Variants in GGNBP2 observed in about 807,000 individuals in gnomAD.
The protein encoded by GGNBP2 is gametogenetin-binding protein 2.
A neutral mutation model predicts 85.9 loss-of-function variants in GGNBP2; 10 were observed. That is an observed-to-expected ratio of 0.12 (90% confidence interval 0.07 to 0.20). The LOEUF (loss-of-function observed/expected upper bound fraction) is 0.20. Among genes scored for constraint, GGNBP2 ranks in the 10% least tolerant of loss-of-function variants. The pLI, the probability that GGNBP2 is intolerant of heterozygous loss-of-function variation, is 1.00. For synonymous variants in GGNBP2, 287 were observed against 285.7 expected, an observed-to-expected ratio of 1.00 and a Z score of -0.05; for missense variants, 595 against 857.8, an observed-to-expected ratio of 0.69 and a Z score of 3.83.
chr17:36,546,021 A>G (rs945730708), intron 2 of GGNBP2: 31 of 533,190 alleles, frequency 5.8e-5, no homozygotes, highest in African/African-American at 1.9e-5. Flanking sequence ...AGAGCTCCGT[A>G]CGCACTCCCT....
intron 5 of GGNBP2, among the ~76,000 whole-genome samples, chr17:36,562,585 C>A (rs977807425): frequency 1.3e-5 from 2 of 151,504 alleles, no homozygotes; most frequent in Non-Finnish European, 1.5e-5. Context: ...ATTTTCCTCC[C>A]TGACACAAAG....
intron 2 of GGNBP2, 78 bp from the exon 3 acceptor site, chr17:36,554,742 C>T (rs1599502978): frequency 1.0e-6 from 1 of 966,026 alleles, no homozygotes; most frequent in Non-Finnish European, 1.7e-6. Flanking sequence ...TTTCACGGGT[C>T]TATTTCTGGA....
intron 2 of GGNBP2, 119 bp downstream of exon 2, chr17:36,545,936 G>C: frequency 1.4e-6 from 1 of 700,938 alleles, no homozygotes; most frequent in Non-Finnish European, 2.4e-6. Context: ...TCCTAGGCGA[G>C]GCCTTCTCTT....
intron 8 of GGNBP2, among the ~76,000 whole-genome samples, chr17:36,580,207 CTTTTCTTTTT>C (rs1475467573): frequency 1.5e-5 from 2 of 135,176 alleles, no homozygotes; most frequent in African/African-American, 5.0e-5. Context: ...CTTTTCTTTT[CTTTTCTTTTT>C]TTTTTTTTGA....
chr17:36,567,582 A>G, intron 5 of GGNBP2, 81 bp from the exon 6 acceptor site: 1 of 708,186 alleles, frequency 1.4e-6, no homozygotes, highest in Non-Finnish European at 2.5e-6. Flanking sequence ...AAAACAAGCA[A>G]TACTTTAATC....
At chr17:36,545,537 C>T (rs2074242598) in intron 1 of GGNBP2, 82 bp from the exon 2 acceptor site, 7 of 563,918 alleles carry the variant, frequency 1.2e-5, no homozygotes, top group Non-Finnish European at 2.2e-5. Context: ...CTCCCGTACC[C>T]TCCCGCTCCG....
Position 36,587,442 on chromosome 17 carries a change from C to G in GGNBP2, c.1890+197C>G, listed in dbSNP as rs531382231. The G allele has an allele frequency of 1.5e-5, 9 of 616,024 alleles. No individual in the cohort carries two copies. In the Admixed American group the frequency reaches 2.2e-4, roughly 15 times the overall value. 38.2% of individuals were successfully genotyped at this position (616,024 alleles called of 1,614,324 possible). ...TATGCAACTACTCTGGAACACGTTT[C>G]CATGGCCGCCTCTGTCTCAGTAGAA... On this transcript the variant is annotated intron_variant, in intron 13 of 13. Coordinates refer to ENST00000613102, the MANE Select transcript of GGNBP2 (RefSeq NM_024835.5).
chr17:36,545,924 A>C (rs2074249674), intron 2 of GGNBP2, 107 bp downstream of exon 2: 3 of 767,262 alleles, frequency 3.9e-6, no homozygotes, highest in Non-Finnish European at 6.3e-6. Flanking sequence ...GTGTGTTGCA[A>C]CTCCTAGGCG....
At chr17:36,559,656 C>A (rs891339877) in intron 4 of GGNBP2, among the ~76,000 whole-genome samples, 3 of 152,156 alleles carry the variant, frequency 2.0e-5, no homozygotes, top group African/African-American at 7.2e-5. Flanking sequence ...ATCACTGTAG[C>A]TGCTGAGTGA....
At chr17:36,564,382 A>G (rs546344980) in intron 5 of GGNBP2, among the ~76,000 whole-genome samples, 1 of 152,138 alleles carries the variant, frequency 6.6e-6, no homozygotes, top group African/African-American at 2.4e-5. Flanking sequence ...TTTGTTTTCA[A>G]TCACTTTGCT....
rs778268552 is a variant in GGNBP2, at chr17:36,545,805, C to G, written c.81C>G (p.Asp27Glu). 2 of 1,563,090 alleles carry G rather than the reference C, an allele frequency of 1.3e-6. No homozygotes were observed. The highest frequency in any genetic ancestry group is 1.7e-6 in the Non-Finnish European group (2 of 1,154,046). ...GGAGGCAGATTCCCCTCTACATAGA[C>G]GACACCCTGACGGTGAGCGGGCCGG... ...FERRQIPLYIDDTLTMVMEFP... is the reference protein window; with the variant it reads ...FERRQIPLYIEDTLTMVMEFP... Residue 27 changes from aspartate to glutamate, a missense_variant, in exon 2 of 14, where the codon GAC becomes GAG. Around this residue, in one of 9 missense-constraint regions of GGNBP2, gnomAD observed 216 missense variants for 293.4 expected, o/e 0.74. Coordinates refer to ENST00000613102, the MANE Select transcript of GGNBP2 (RefSeq NM_024835.5).
chr17:36,588,297 G>A (rs1287395423), intron 13 of GGNBP2, among the ~76,000 whole-genome samples: 1 of 151,968 alleles, frequency 6.6e-6, no homozygotes, highest in Non-Finnish European at 1.5e-5. Context: ...TTGCTCTGTT[G>A]CCCAGGCTGG....
rs1298713764 is a variant in GGNBP2 at position 36,589,500 on chromosome 17, G to A, written c.*89G>A. On this transcript the variant is annotated 3_prime_UTR_variant, in exon 14 of 14. Coordinates refer to ENST00000613102, the MANE Select transcript of GGNBP2 (RefSeq NM_024835.5). The stretch of plus-strand genomic sequence containing the variant: ...AAAAACTCTTAATTTAGTGACTTAT[G>A]GCAAAATTTTATCTTAAATCAATGT... 2.1e-6 allele frequency: 2 copies of A among 943,504 alleles called. No individual in the cohort carries two copies. The highest frequency in any genetic ancestry group is 3.3e-6 in the Non-Finnish European group (2 of 608,518). 58.4% of individuals were successfully genotyped at this position (943,504 alleles called of 1,614,324 possible).
intron 5 of GGNBP2, among the ~76,000 whole-genome samples, chr17:36,565,651 A>C (rs1006251114): frequency 6.6e-6 from 1 of 152,146 alleles, no homozygotes; most frequent in East Asian, 1.9e-4. Context: ...TAATCCCAGC[A>C]CTTTGGGAGG....
intron 12 of GGNBP2, chr17:36,586,657 C>T (rs1366104972): frequency 1.9e-5 from 5 of 262,450 alleles, no homozygotes; most frequent in African/African-American, 6.6e-5. Flanking sequence ...CTCACTCTGT[C>T]GCCTATACTA....
chr17:36,584,342 AC>A (rs1417647582), intron 9 of GGNBP2, among the ~76,000 whole-genome samples: 1 of 151,666 alleles, frequency 6.6e-6, no homozygotes, highest in Non-Finnish European at 1.5e-5. Flanking sequence ...TTTGTCACAT[AC>A]TTTTTTTTTT....
intron 2 of GGNBP2, among the ~76,000 whole-genome samples, chr17:36,548,615 C>CA (rs71159614): frequency 0.03 from 715 of 23,732 alleles, 229 homozygotes; most frequent in Non-Finnish European, 0.04. Flanking sequence ...GACTCTGTCT[C>CA]AAAAAAAAAA....
chr17:36,548,103 A>C (rs928258753), intron 2 of GGNBP2, among the ~76,000 whole-genome samples: 1 of 152,234 alleles, frequency 6.6e-6, no homozygotes, highest in Non-Finnish European at 1.5e-5. Context: ...CTTTGTCCCT[A>C]GGGTCTGTAG....
At chr17:36,577,265 A>G (rs1448104467) in intron 6 of GGNBP2, 3 of 152,062 alleles carry the variant, frequency 2.0e-5, no homozygotes, top group African/African-American at 7.2e-5. Context: ...TCTAAAAGAA[A>G]TTTTCTTCCT....
Sources: gnomAD v4.1 joint callset for allele counts (sites outside exome capture counted in the v4.1 genomes callset) on GRCh38, gnomAD v4.1.1 for gene constraint, gnomAD v4.1.1 regional missense constraint, MANE v1.5 for transcripts, NCBI Gene and HGNC (gene_info 2026-07-23, HGNC 2026-07-21) for gene names.